The following CARHSP1 variants were observed in gnomAD, a reference collection of about 807,000 sequenced individuals.
CARHSP1 encodes the protein calcium regulated heat stable protein 1, also known as calcium-regulated heat-stable protein 1.
CARHSP1 carries 14 observed loss-of-function variants against 12.5 expected under a neutral mutation model. The ratio of observed to expected loss-of-function variants is 1.12; its 90% confidence interval spans 0.74 to 1.75. CARHSP1 has a LOEUF of 1.75. Ranked by LOEUF, CARHSP1 falls within the 40% of genes most tolerant of loss-of-function variation. The pLI is 0.00. For synonymous variants in CARHSP1, 161 were observed against 82.0 expected, an observed-to-expected ratio of 1.96 and a Z score of -5.20; for missense variants, 343 against 201.6, an observed-to-expected ratio of 1.70 and a Z score of -4.25.
At chr16:8,858,501 C>A in intron 2 of CARHSP1, 29 bp from the exon 3 acceptor site, 2 of 1,609,546 alleles carry the variant, frequency 1.2e-6, no homozygotes, top group Non-Finnish European at 8.5e-7. Flanking sequence ...TGTCAGGGGC[C>A]CCATCAGCGC....
At chr16:8,863,156 G>C (rs941721343) in intron 1 of CARHSP1, among the ~76,000 whole-genome samples, 1 of 128,222 alleles carries the variant, frequency 7.8e-6, no homozygotes, top group African/African-American at 3.0e-5. Context: ...ATCTCACTTG[G>C]TCACCTAGGC....
intron 1 of CARHSP1, chr16:8,861,956 T>C (rs1460581088): frequency 1.1e-5 from 2 of 189,208 alleles, no homozygotes; most frequent in Non-Finnish European, 1.9e-5. Context: ...AAAGTCTCCC[T>C]CCCTCCTTTC....
chr16:8,858,640 A>C (rs2061235396), intron 2 of CARHSP1, 168 bp from the exon 3 acceptor site: 1 of 789,284 alleles, frequency 1.3e-6, no homozygotes. Flanking sequence ...GCCGCTCACA[A>C]AGACGCTGGG....
chr16:8,857,762 T>TA (rs1320413430), intron 3 of CARHSP1: 767 of 63,206 alleles, frequency 0.012, 2 homozygotes, highest in Non-Finnish European at 0.025. Flanking sequence ...GCTCATTATT[T>TA]TTTTTTTTTT....
chr16:8,868,468 G>A (rs1208867081), intron 1 of CARHSP1: 1 of 150,766 alleles, frequency 6.6e-6, no homozygotes, highest in African/African-American at 2.4e-5. Flanking sequence ...CCCCAGATGC[G>A]GCTAATCGCG....
rs1232432992 is a variant in CARHSP1, at chr16:8,854,005, C to T, written c.*1159G>A. The T allele has an allele frequency of 1.3e-5, 2 of 152,136 alleles. No homozygotes were observed. The highest frequency in any genetic ancestry group is 2.4e-5 in the African/African-American group (1 of 41,424). 9.4% of individuals were successfully genotyped at this position (152,136 alleles called of 1,614,324 possible). ...GGAGACTGAGGCGGAATTGCCAGAA[C>T]CCTGGAGGGCAGAGGTTGCAGTAAG... On this transcript the variant is annotated 3_prime_UTR_variant, in exon 4 of 4. Coordinates refer to ENST00000311052, the MANE Select transcript of CARHSP1 (RefSeq NM_014316.4).
At chr16:8,859,362 C>T in intron 1 of CARHSP1, 27 bp from the exon 2 acceptor site, 1 of 1,585,170 alleles carries the variant, frequency 6.3e-7, no homozygotes, top group Non-Finnish European at 8.5e-7. Context: ...CTGTCAGGGG[C>T]TCGTGCCTTG....
chr16:8,858,600 C>T, intron 2 of CARHSP1, 128 bp from the exon 3 acceptor site: 1 of 1,139,278 alleles, frequency 8.8e-7, no homozygotes, highest in Non-Finnish European at 1.2e-6. Flanking sequence ...GTCACACAGG[C>T]TGAGGACTGC....
chr16:8,858,805 C>G (rs1388085519), intron 2 of CARHSP1: 8 of 415,448 alleles, frequency 1.9e-5, no homozygotes, highest in Middle Eastern at 1.2e-3. Flanking sequence ...AGGCCTGAGA[C>G]CTGCATCTGC....
At chr16:8,855,878 A>G (rs889845104) in intron 3 of CARHSP1, among the ~76,000 whole-genome samples, 1 of 152,156 alleles carries the variant, frequency 6.6e-6, no homozygotes, top group Non-Finnish European at 1.5e-5. Context: ...GCTGGAGTGC[A>G]GTGGTGTGAT....
At chr16:8,859,972 GTC>G (rs2061297516) in intron 1 of CARHSP1, 1 of 193,220 alleles carries the variant, frequency 5.2e-6, no homozygotes, top group Non-Finnish European at 9.4e-6. Flanking sequence ...GCAAGACTCT[GTC>G]TCAAAAAAGA....
Position 8,855,144 on chromosome 16 carries a change from A to C in CARHSP1, c.*20T>G. The C allele has an allele frequency of 6.4e-7, 1 of 1,560,304 alleles. No individual in the cohort carries two copies. The highest frequency in any genetic ancestry group is 1.8e-5 in the Admixed American group (1 of 55,266). ...CAAAGTCTCCCACAAGCACAGGACAAGGGGTGCTTCCACCATCTCCTAGGA... is the reference window on the plus strand; with the variant it reads ...CAAAGTCTCCCACAAGCACAGGACACGGGGTGCTTCCACCATCTCCTAGGA... On this transcript the variant is annotated 3_prime_UTR_variant, in exon 4 of 4. Transcript: ENST00000311052.
intron 2 of CARHSP1, 43 bp downstream of exon 2, chr16:8,859,128 G>C (rs1267780079): frequency 6.5e-7 from 1 of 1,528,590 alleles, no homozygotes; most frequent in Non-Finnish European, 8.9e-7. Context: ...CCTCAGGCAA[G>C]AGATCCATCT....
At chr16:8,860,438 A>G (rs956560214) in intron 1 of CARHSP1, 43 of 980,722 alleles carry the variant, frequency 4.4e-5, no homozygotes, top group African/African-American at 2.4e-4. Flanking sequence ...GCTGTACACA[A>G]TAATCACTGA....
chr16:8,866,723 G>A (rs1375609827), intron 1 of CARHSP1, among the ~76,000 whole-genome samples: 2 of 151,672 alleles, frequency 1.3e-5, no homozygotes, highest in Non-Finnish European at 1.5e-5. Flanking sequence ...ACGAAGGGAT[G>A]GGGGTTGGAG....
In CARHSP1 at chr16:8,857,279, T is replaced by G. The variant is rs1271835632; in HGVS notation, c.281+1071A>C. On this transcript the variant is annotated intron_variant, in intron 3 of 3. Transcript: ENST00000311052. ...GGCAGATCTGTTTTTTTTTTTTTTT[T>G]TTTTTTTTTTTTTTTTTTTTGAGAT... 5.1e-3 allele frequency among the ~76,000 whole-genome samples: 611 copies of G among 119,834 alleles called. 27 individuals carry two copies. The highest frequency in any genetic ancestry group is 0.013 in the African/African-American group (413 of 31,950). 78.6% of individuals were successfully genotyped at this position (119,834 alleles called of 152,430 possible).
Position 8,854,845 on chromosome 16 carries a change from A to C in CARHSP1, c.*319T>G, listed in dbSNP as rs566567788. 6.5e-5 allele frequency: 14 copies of C among 215,038 alleles called. No individual in the cohort carries two copies. In the South Asian group the frequency reaches 1.9e-3, roughly 28 times the overall value. The allele number at this position is 215,038 out of a possible 1,614,324, so 13.3% of individuals were successfully genotyped here. ...AGCCCATGTGTCTGAGCAGCTGGAGAAATACCACCCTTGATCCACTCCCTG... is the reference window on the plus strand; with the variant it reads ...AGCCCATGTGTCTGAGCAGCTGGAGCAATACCACCCTTGATCCACTCCCTG... On this transcript the variant is annotated 3_prime_UTR_variant, in exon 4 of 4. Transcript: ENST00000311052.
At chr16:8,868,249 C>T (rs1045659565) in intron 1 of CARHSP1, 1 of 152,240 alleles carries the variant, frequency 6.6e-6, no homozygotes, top group African/African-American at 2.4e-5. Flanking sequence ...CACATCCACT[C>T]CAACCCCAGA....
At chr16:8,861,084 AGT>A (rs2061338926) in intron 1 of CARHSP1, among the ~76,000 whole-genome samples, 1 of 145,588 alleles carries the variant, frequency 6.9e-6, no homozygotes, top group Non-Finnish European at 1.5e-5. Context: ...TTTTTGAGAC[AGT>A]GTCTCACTGT....
Sources: gnomAD v4.1 joint callset for allele counts (sites outside exome capture counted in the v4.1 genomes callset) on GRCh38, gnomAD v4.1.1 for gene constraint, MANE v1.5 for transcripts, NCBI Gene and HGNC (gene_info 2026-07-23, HGNC 2026-07-21) for gene names.